Variants in SIPA1L1 observed in about 807,000 individuals in gnomAD.
SIPA1L1 encodes signal-induced proliferation-associated 1-like protein 1.
Under a neutral mutation model 162.7 loss-of-function variants are expected in SIPA1L1, and 26 were observed. That is an observed-to-expected ratio of 0.16 (90% CI 0.12 to 0.22). The LOEUF is 0.22. Ranked by LOEUF, SIPA1L1 falls within the 10% of genes least tolerant of loss-of-function variation. The pLI, the probability that SIPA1L1 is intolerant of heterozygous loss-of-function variation, is 1.00. For synonymous variants in SIPA1L1, 829 were observed against 837.4 expected, an observed-to-expected ratio of 0.99 and a Z score of 0.17; for missense variants, 1,874 against 2,241.0, an observed-to-expected ratio of 0.84 and a Z score of 3.31.
intron 2 of SIPA1L1, among the ~76,000 whole-genome samples, chr14:71,450,633 G>A (rs1334531369): frequency 6.6e-6 from 1 of 152,050 alleles, no homozygotes. Context: ...GTAAATTAAA[G>A]CTGCAATGTT....
At chr14:71,411,777 G>C (rs563903755) in intron 2 of SIPA1L1, among the ~76,000 whole-genome samples, 1 of 152,154 alleles carries the variant, frequency 6.6e-6, no homozygotes, top group Non-Finnish European at 1.5e-5. Context: ...TTGCTGCTTC[G>C]AGTTACTGTA....
intron 7 of SIPA1L1, among the ~76,000 whole-genome samples, chr14:71,634,128 C>T (rs572733479): frequency 4.0e-5 from 6 of 151,354 alleles, no homozygotes; most frequent in Non-Finnish European, 5.9e-5. Context: ...CGGCTGGGCA[C>T]GGTGGCTCAT....
intron 2 of SIPA1L1, among the ~76,000 whole-genome samples, chr14:71,376,347 CTT>C (rs930189565): frequency 7.0e-6 from 1 of 143,516 alleles, no homozygotes. Flanking sequence ...TTATAATCTT[CTT>C]TTTTTTTTTC....
intron 7 of SIPA1L1, among the ~76,000 whole-genome samples, chr14:71,644,872 CTT>C (rs1402247841): frequency 1.3e-5 from 2 of 152,126 alleles, no homozygotes; most frequent in East Asian, 1.9e-4. Flanking sequence ...TAGTTTGTCT[CTT>C]GTTTGTTCTT....
At chr14:71,376,737 G>C (rs1317985164) in intron 2 of SIPA1L1, among the ~76,000 whole-genome samples, 1 of 151,978 alleles carries the variant, frequency 6.6e-6, no homozygotes, top group Admixed American at 6.5e-5. Flanking sequence ...TGTGTCCCTG[G>C]GTACTTGAGA....
At chr14:71,435,488 C>G (rs2044306323) in intron 2 of SIPA1L1, among the ~76,000 whole-genome samples, 1 of 152,158 alleles carries the variant, frequency 6.6e-6, no homozygotes, top group South Asian at 2.1e-4. Flanking sequence ...ATCCATGTCC[C>G]TACAAAGGAC....
At chr14:71,683,494 T>G (rs1159362925) in intron 12 of SIPA1L1, among the ~76,000 whole-genome samples, 1 of 152,222 alleles carries the variant, frequency 6.6e-6, no homozygotes, top group Non-Finnish European at 1.5e-5. Context: ...ATTTTTGCAT[T>G]GTATTTACTG....
intron 4 of SIPA1L1, among the ~76,000 whole-genome samples, chr14:71,536,009 A>G (rs1230389762): frequency 1.3e-5 from 2 of 151,890 alleles, no homozygotes. Context: ...TTGCCATCCT[A>G]CGGCAGCTTC....
At position 71,730,120 on chromosome 14, in the gene SIPA1L1, C is replaced by G. The variant is rs1373328074; in HGVS notation, c.4680C>G (p.His1560Gln). The G allele has an allele frequency of 3.1e-6, 5 of 1,614,200 alleles. No homozygotes were observed. The highest frequency in any genetic ancestry group is 4.2e-6 in the Non-Finnish European group (5 of 1,180,030). Reference protein sequence around the residue: ...PSTPTSRRALHRTLSDESIYN... With the variant: ...PSTPTSRRALQRTLSDESIYN... The stretch of plus-strand genomic sequence containing the variant: ...CCCCCACCTCACGGCGGGCCTTGCA[C>G]AGAACACTGTCGGACGAGAGCATTT... Residue 1560 changes from histidine (H) to glutamine (Q), a missense_variant, in exon 20 of 24, where the codon CAC (histidine) becomes CAG (glutamine). His to Gln is a conservative substitution (Grantham distance 24). This residue lies in a region of SIPA1L1 where 936 missense variants were observed against 1,051.9 expected (regional missense o/e 0.89). Transcript: ENST00000381232.
chr14:71,658,214 A>C, intron 8 of SIPA1L1, 119 bp from the exon 9 acceptor site: 1 of 625,662 alleles, frequency 1.6e-6, no homozygotes, highest in Non-Finnish European at 2.8e-6. Flanking sequence ...TGTCTTGTCT[A>C]GAATCTTTTC....
chr14:71,665,594 T>C (rs751284220), intron 10 of SIPA1L1, among the ~76,000 whole-genome samples: 1 of 152,186 alleles, frequency 6.6e-6, no homozygotes, highest in Non-Finnish European at 1.5e-5. Flanking sequence ...AAACAAATAC[T>C]TGTTTATTGA....
chr14:71,631,628 C>T (rs1443402236), intron 7 of SIPA1L1, among the ~76,000 whole-genome samples: 1 of 152,096 alleles, frequency 6.6e-6, no homozygotes, highest in Non-Finnish European at 1.5e-5. Flanking sequence ...GGATTATTTC[C>T]TTTACATTAT....
chr14:71,517,901 T>C (rs2051906443), intron 3 of SIPA1L1, among the ~76,000 whole-genome samples: 1 of 152,210 alleles, frequency 6.6e-6, no homozygotes, highest in Non-Finnish European at 1.5e-5. Flanking sequence ...TTTGTTGATA[T>C]GATTTTTAAT....
chr14:71,643,965 G>A (rs921380438), intron 7 of SIPA1L1, among the ~76,000 whole-genome samples: 2 of 151,900 alleles, frequency 1.3e-5, no homozygotes, highest in Admixed American at 1.3e-4. Flanking sequence ...CCACCACCAC[G>A]CCCAGCTAAA....
chr14:71,708,015 G>GTTTTTTTTTTTGGT (rs2082584570), intron 16 of SIPA1L1, among the ~76,000 whole-genome samples: 2 of 100,300 alleles, frequency 2.0e-5, no homozygotes, highest in African/African-American at 3.9e-5. Flanking sequence ...GTTTTTTGGT[G>GTTTTTTTTTTTGGT]TTTTTTTTTT....
intron 2 of SIPA1L1, among the ~76,000 whole-genome samples, chr14:71,398,665 A>C (rs1325348328): frequency 1.3e-5 from 2 of 152,232 alleles, no homozygotes; most frequent in African/African-American, 2.4e-5. Context: ...GAAATGATGT[A>C]GAAGTAGGCA....
intron 2 of SIPA1L1, among the ~76,000 whole-genome samples, chr14:71,500,026 A>G (rs994170963): frequency 6.6e-6 from 1 of 152,202 alleles, no homozygotes; most frequent in Admixed American, 6.5e-5. Flanking sequence ...TAAAATATCT[A>G]TTATAAACAT....
intron 2 of SIPA1L1, among the ~76,000 whole-genome samples, chr14:71,451,640 A>G (rs999825801): frequency 4.0e-5 from 6 of 151,600 alleles, no homozygotes; most frequent in Non-Finnish European, 7.4e-5. Context: ...CTCAAAAAAA[A>G]AAAAAAAAAA....
At chr14:71,395,619 C>T (rs2041125694) in intron 2 of SIPA1L1, among the ~76,000 whole-genome samples, 1 of 152,124 alleles carries the variant, frequency 6.6e-6, no homozygotes, top group Admixed American at 6.6e-5. Flanking sequence ...TATGATTGCT[C>T]TGCTTTGCTC....
Sources: allele counts gnomAD v4.1 joint callset (sites outside exome capture counted in the v4.1 genomes callset), GRCh38; gene constraint gnomAD v4.1.1; regional missense constraint gnomAD v4.1.1; transcripts MANE v1.5; gene names NCBI Gene and HGNC (gene_info 2026-07-23, HGNC 2026-07-21).